UBTD1: variants seen among roughly 807,000 people sequenced by gnomAD.
UBTD1 encodes ubiquitin domain containing 1, also known as ubiquitin domain-containing protein 1.
In UBTD1, 19 loss-of-function variants were observed where a neutral mutation model predicts 21.7. That is an observed-to-expected ratio of 0.87 (90% confidence interval 0.61 to 1.28). The LOEUF (loss-of-function observed/expected upper bound fraction) is 1.28, where lower values mean the gene tolerates loss of function less well. Ranked by LOEUF, UBTD1 falls within the 50% of genes most tolerant of loss-of-function variation. The pLI, the probability that UBTD1 is intolerant of heterozygous loss-of-function variation, is 0.00. For synonymous variants in UBTD1, 116 were observed against 135.1 expected (o/e 0.86, Z 0.98); for missense variants, 282 against 315.1 (o/e 0.89, Z 0.80).
At chr10:97,544,560 C>T (rs1266805862) in intron 1 of UBTD1, among the ~76,000 whole-genome samples, 2 of 152,194 alleles carry the variant, frequency 1.3e-5, no homozygotes, top group East Asian at 1.9e-4. Flanking sequence ...TCCTCAAAAA[C>T]TTAGCTACTA....
intron 1 of UBTD1, among the ~76,000 whole-genome samples, chr10:97,563,154 A>G (rs962803910): frequency 3.9e-5 from 6 of 152,144 alleles, no homozygotes; most frequent in African/African-American, 1.4e-4. Context: ...GTCCAAATAA[A>G]AGAAGGAGAA....
intron 1 of UBTD1, among the ~76,000 whole-genome samples, chr10:97,547,396 C>T (rs2040616111): frequency 6.6e-6 from 1 of 152,138 alleles, no homozygotes; most frequent in Non-Finnish European, 1.5e-5. Flanking sequence ...CACCATCCTC[C>T]CTCTTCTGCC....
intron 1 of UBTD1, among the ~76,000 whole-genome samples, chr10:97,526,215 G>A (rs2040487633): frequency 6.6e-6 from 1 of 152,184 alleles, no homozygotes; most frequent in South Asian, 2.1e-4. Context: ...TGCACTGCTG[G>A]TGGAAGTGAA....
rs911319576 is a variant in UBTD1, at chr10:97,499,114, G to A, written c.-90G>A. Reference sequence around the variant, plus strand: ...ATCGGGGAGCGCCCGATGCCGGGCGGCCGGAGCCATTGACCCGGGACGCCG... The same window carrying A: ...ATCGGGGAGCGCCCGATGCCGGGCGACCGGAGCCATTGACCCGGGACGCCG... On this transcript the variant is annotated 5_prime_UTR_variant, in exon 1 of 3. Coordinates refer to ENST00000370664, the MANE Select transcript of UBTD1 (RefSeq NM_024954.5). 1.4e-6 allele frequency: 2 copies of A among 1,400,892 alleles called. No homozygotes were observed. The highest frequency in any genetic ancestry group is 2.7e-5 in the East Asian group (1 of 37,002). The allele number at this position is 1,400,892 out of a possible 1,614,324, so 86.8% of individuals were successfully genotyped here. A position where few individuals can be genotyped will look rare whatever the true frequency, so the allele number is the denominator to read the frequency against.
At chr10:97,543,989 A>G (rs1301706442) in intron 1 of UBTD1, among the ~76,000 whole-genome samples, 2 of 152,080 alleles carry the variant, frequency 1.3e-5, no homozygotes, top group Non-Finnish European at 2.9e-5. Flanking sequence ...ACGGTAAAGA[A>G]TCTGGAGAAA....
intron 1 of UBTD1, among the ~76,000 whole-genome samples, chr10:97,506,066 T>C (rs1026226964): frequency 6.6e-6 from 1 of 152,144 alleles, no homozygotes; most frequent in Admixed American, 6.5e-5. Flanking sequence ...ACAGAGCGCC[T>C]GCTTGGTGAG....
chr10:97,560,599 C>G (rs555911745), intron 1 of UBTD1, among the ~76,000 whole-genome samples: 2 of 152,192 alleles, frequency 1.3e-5, no homozygotes, highest in East Asian at 3.9e-4. Flanking sequence ...TGTGTCATAC[C>G]TTTGAAACAA....
At chr10:97,536,985 A>G (rs978226431) in intron 1 of UBTD1, among the ~76,000 whole-genome samples, 1 of 152,088 alleles carries the variant, frequency 6.6e-6, no homozygotes, top group African/African-American at 2.4e-5. Context: ...AAGTGAGGAA[A>G]TGATGGCAGA....
At chr10:97,538,766 G>A (rs1283080073) in intron 1 of UBTD1, among the ~76,000 whole-genome samples, 1 of 144,612 alleles carries the variant, frequency 6.9e-6, no homozygotes, top group African/African-American at 2.8e-5. Context: ...CCTTCTGTGT[G>A]TATATGTGTG....
chr10:97,505,207 A>T (rs2040393378), intron 1 of UBTD1, among the ~76,000 whole-genome samples: 1 of 152,222 alleles, frequency 6.6e-6, no homozygotes, highest in Admixed American at 6.5e-5. Flanking sequence ...AGAGCTGAAA[A>T]GGAACCTAAA....
At chr10:97,539,661 A>G (rs895636272) in intron 1 of UBTD1, among the ~76,000 whole-genome samples, 1 of 152,130 alleles carries the variant, frequency 6.6e-6, no homozygotes, top group East Asian at 1.9e-4. Flanking sequence ...CACCCAAAAC[A>G]GGCCTCACCT....
chr10:97,554,357 C>T (rs1012037701), intron 1 of UBTD1, among the ~76,000 whole-genome samples: 2 of 149,286 alleles, frequency 1.3e-5, no homozygotes, highest in Non-Finnish European at 3.0e-5. Context: ...AAGTGATTCT[C>T]CTGCCTCACC....
At chr10:97,526,412 C>A (rs890135925) in intron 1 of UBTD1, among the ~76,000 whole-genome samples, 1 of 152,170 alleles carries the variant, frequency 6.6e-6, no homozygotes, top group Non-Finnish European at 1.5e-5. Context: ...AAATGTGTGA[C>A]TCAAGGACTT....
rs767086485 is a variant in UBTD1 at position 97,499,319 on chromosome 10, T to C, written c.70+46T>C. The C allele has an allele frequency of 3.9e-6, 6 of 1,534,254 alleles. No individual in the cohort carries two copies. The South Asian group carries it at 6.1e-5, about 16-fold the overall frequency. ...AGGGCCTCGGGCATCCCGCCAGTTGTCCCCCTCCTCGCCCGAGTCCTGGGC... is the reference window on the plus strand; with the variant it reads ...AGGGCCTCGGGCATCCCGCCAGTTGCCCCCCTCCTCGCCCGAGTCCTGGGC... On this transcript the variant is annotated intron_variant, in intron 1 of 2. Coordinates refer to ENST00000370664, the MANE Select transcript of UBTD1 (RefSeq NM_024954.5).
intron 1 of UBTD1, among the ~76,000 whole-genome samples, chr10:97,567,574 G>A (rs1182106083): frequency 3.3e-5 from 5 of 151,998 alleles, no homozygotes; most frequent in South Asian, 4.2e-4. Context: ...CAGGAGAGTC[G>A]CTTGAACCCG....
At chr10:97,531,028 C>T (rs1311705965) in intron 1 of UBTD1, among the ~76,000 whole-genome samples, 1 of 151,800 alleles carries the variant, frequency 6.6e-6, no homozygotes, top group Non-Finnish European at 1.5e-5. Context: ...GCTGGGACTA[C>T]AGGTGCCCGC....
intron 1 of UBTD1, among the ~76,000 whole-genome samples, chr10:97,516,818 A>G (rs1440276751): frequency 2.0e-5 from 3 of 151,108 alleles, no homozygotes; most frequent in African/African-American, 2.4e-5. Context: ...CAGTCAGGGG[A>G]TGCTGTGGAC....
At position 97,570,496 on chromosome 10, in the gene UBTD1, C is replaced by T; in HGVS notation, c.657C>T (p.Ile219=). 6.2e-7 allele frequency: 1 copy of T among 1,609,194 alleles called. No individual in the cohort carries two copies. The highest frequency in any genetic ancestry group is 8.5e-7 in the Non-Finnish European group (1 of 1,177,116). The change falls in exon 3 of 3, where the codon ATC becomes ATT. Residue 219 remains isoleucine (I), a synonymous_variant. Coordinates refer to ENST00000370664, the MANE Select transcript of UBTD1 (RefSeq NM_024954.5). The surrounding 1 kb of genome is among the most constrained non-coding windows in gnomAD (Gnocchi z 6.6). Reference sequence around the variant, plus strand: ...AAGATTTTGTCATCCAGGTCATCATCAACCAGCCCCCACCACCCCAGGACT... The same window carrying T: ...AAGATTTTGTCATCCAGGTCATCATTAACCAGCCCCCACCACCCCAGGACT... ...IQKDFVIQVI[I]NQPPPPQD
chr10:97,533,669 A>G (rs1213227189), intron 1 of UBTD1, among the ~76,000 whole-genome samples: 1 of 152,078 alleles, frequency 6.6e-6, no homozygotes, highest in Non-Finnish European at 1.5e-5. Flanking sequence ...TCACCCTGTA[A>G]TCCCAGCACT....
Sources: allele counts gnomAD v4.1 joint callset (sites outside exome capture counted in the v4.1 genomes callset), GRCh38; gene constraint gnomAD v4.1.1; non-coding constraint Gnocchi (gnomAD v3.1); transcripts MANE v1.5; gene names NCBI Gene and HGNC (gene_info 2026-07-23, HGNC 2026-07-21).